The following PPM1H variants were observed in gnomAD, a reference collection of about 807,000 sequenced individuals.
PPM1H encodes the protein protein phosphatase, Mg2+/Mn2+ dependent 1H, also known as protein phosphatase 1H.
PPM1H carries 27 observed loss-of-function variants against 54.9 expected under a neutral mutation model. The ratio of observed to expected loss-of-function variants is 0.49; its 90% CI spans 0.36 to 0.68. PPM1H has a LOEUF of 0.68. Ranked by LOEUF, PPM1H falls within the 30% of genes least tolerant of loss-of-function variation. PPM1H has a pLI of 0.00. For synonymous variants in PPM1H, 305 were observed against 270.8 expected (o/e 1.13, Z -1.24); for missense variants, 596 against 667.8 (o/e 0.89, Z 1.19).
intron 4 of PPM1H, among the ~76,000 whole-genome samples, chr12:62,784,135 G>A (rs2076657771): frequency 6.6e-6 from 1 of 152,182 alleles, no homozygotes; most frequent in Non-Finnish European, 1.5e-5. Context: ...AAAGCAACTG[G>A]CATGCATCAA....
At chr12:62,723,179 C>T (rs1314863031) in intron 5 of PPM1H, among the ~76,000 whole-genome samples, 2 of 152,074 alleles carry the variant, frequency 1.3e-5, no homozygotes, top group Non-Finnish European at 2.9e-5. Context: ...TCACTGCCAC[C>T]GTCCAGCATC....
intron 4 of PPM1H, among the ~76,000 whole-genome samples, chr12:62,768,228 G>C (rs1230052837): frequency 2.0e-5 from 3 of 152,174 alleles, no homozygotes; most frequent in African/African-American, 7.2e-5. Flanking sequence ...GAAAGGAAAA[G>C]GCAGCAGGAG....
At chr12:62,877,543 A>ACT (rs774778596) in intron 1 of PPM1H, among the ~76,000 whole-genome samples, 3 of 151,836 alleles carry the variant, frequency 2.0e-5, no homozygotes, top group African/African-American at 7.3e-5. Context: ...CACTCGATGT[A>ACT]CTCTCTCTCT....
chr12:62,814,027 C>T (rs746420392), intron 2 of PPM1H, among the ~76,000 whole-genome samples: 1 of 152,004 alleles, frequency 6.6e-6, no homozygotes, highest in Non-Finnish European at 1.5e-5. Context: ...TATGGATACA[C>T]AGTAGTAGGT....
At chr12:62,662,391 T>G (rs1457395073) in intron 9 of PPM1H, among the ~76,000 whole-genome samples, 3 of 152,200 alleles carry the variant, frequency 2.0e-5, no homozygotes, top group Non-Finnish European at 4.4e-5. Context: ...TATAGTGCCA[T>G]CAATTCCTCC....
intron 1 of PPM1H, among the ~76,000 whole-genome samples, chr12:62,911,406 T>G (rs1170716287): frequency 5.9e-5 from 9 of 152,248 alleles, no homozygotes; most frequent in African/African-American, 2.2e-4. Context: ...TAGTTTTTCT[T>G]GCATATCAGA....
In PPM1H at chr12:62,915,185, G is replaced by C. The variant is rs116543160; in HGVS notation, c.245+19307C>G. On this transcript the variant is annotated intron_variant, in intron 1 of 9. Transcript: ENST00000228705. Reference sequence around the variant, plus strand: ...TTTTTGTTGTTGTTGTTAAGAGTTAGTGCCTTCTGGACTCTTACTTGGATG... The same window carrying C: ...TTTTTGTTGTTGTTGTTAAGAGTTACTGCCTTCTGGACTCTTACTTGGATG... 3.9e-3 allele frequency among the ~76,000 whole-genome samples: 592 copies of C among 152,328 alleles called. 6 individuals are homozygous for C. Among genetic ancestry groups the C allele is most frequent in the Middle Eastern group, 0.014 (4 of 294 alleles).
At chr12:62,850,107 G>A (rs1011191607) in intron 1 of PPM1H, among the ~76,000 whole-genome samples, 10 of 151,848 alleles carry the variant, frequency 6.6e-5, no homozygotes, top group Non-Finnish European at 1.2e-4. Context: ...AACTACTGAC[G>A]TGAGCCACCA....
chr12:62,929,595 C>T (rs1331461207), intron 1 of PPM1H, among the ~76,000 whole-genome samples: 1 of 152,094 alleles, frequency 6.6e-6, no homozygotes, highest in Non-Finnish European at 1.5e-5. Context: ...TAAACTGGGA[C>T]TGAAACATAT....
At position 62,830,457 on chromosome 12, in the gene PPM1H, G is replaced by A. The variant is rs1290986578; in HGVS notation, c.411+1657C>T. On this transcript the variant is annotated intron_variant, in intron 2 of 9. Coordinates refer to ENST00000228705, the MANE Select transcript of PPM1H (RefSeq NM_020700.2). ...TTTTTAGTAGAGACAGGGTGTCACT[G>A]TGTTAGCCAGGATGGTCTCGATCTC... 3.9e-5 allele frequency among the ~76,000 whole-genome samples: 6 copies of A among 152,186 alleles called. No individual in the cohort carries two copies. In the South Asian group the frequency reaches 6.2e-4, roughly 16 times the overall value.
At chr12:62,696,192 T>C (rs535369189) in intron 6 of PPM1H, among the ~76,000 whole-genome samples, 2 of 152,284 alleles carry the variant, frequency 1.3e-5, no homozygotes, top group East Asian at 3.9e-4. Context: ...AGCCGGGTCA[T>C]TGAATTCTCA....
intron 9 of PPM1H, among the ~76,000 whole-genome samples, chr12:62,656,562 A>G (rs2075844992): frequency 6.6e-6 from 1 of 152,210 alleles, no homozygotes; most frequent in Non-Finnish European, 1.5e-5. Context: ...CGTATCTTAA[A>G]GTTCTTAATA....
In PPM1H at chr12:62,825,409, T is replaced by C. The variant is rs141966367; in HGVS notation, c.411+6705A>G. Among the ~76,000 whole-genome samples, 377 of 152,330 alleles carry C rather than the reference T, an allele frequency of 2.5e-3. 2 individuals carry two copies. The highest frequency in any genetic ancestry group is 8.9e-3 in the African/African-American group (369 of 41,578). Reference sequence around the variant, plus strand: ...TATATACCCAAAGGGTTATAAATCATGCTACCGTAAAGACACATGCACACG... The same window carrying C: ...TATATACCCAAAGGGTTATAAATCACGCTACCGTAAAGACACATGCACACG... On this transcript the variant is annotated intron_variant, in intron 2 of 9. Transcript: ENST00000228705.
At chr12:62,839,759 C>T (rs2120885648) in intron 1 of PPM1H, among the ~76,000 whole-genome samples, 1 of 151,414 alleles carries the variant, frequency 6.6e-6, no homozygotes. Flanking sequence ...GGGTTTCTGA[C>T]ACAAAATACC....
intron 2 of PPM1H, among the ~76,000 whole-genome samples, chr12:62,819,763 CTT>C (rs1388100646): frequency 8.0e-6 from 1 of 125,210 alleles, no homozygotes; most frequent in Non-Finnish European, 1.8e-5. Context: ...TATTTTATTT[CTT>C]TTAAGTCAGG....
At position 62,844,900 on chromosome 12, in the gene PPM1H, T is replaced by A; in HGVS notation, c.246-12621A>T. On this transcript the variant is annotated intron_variant, in intron 1 of 9. Coordinates refer to ENST00000228705, the MANE Select transcript of PPM1H (RefSeq NM_020700.2). The surrounding 1 kb of genome is among the most constrained non-coding windows in gnomAD (Gnocchi z 5.2). ...GATTTCTGCATTCCATAGAAAAAAA[T>A]TAATTATAAGCACTTCTACTAGGAA... Among the ~76,000 whole-genome samples, 1 of 152,150 alleles carries A rather than the reference T, an allele frequency of 6.6e-6. No individual in the cohort carries two copies. Among genetic ancestry groups the A allele is most frequent in the Non-Finnish European group, 1.5e-5 (1 of 68,026 alleles).
chr12:62,650,866 G>A (rs764205157), intron 9 of PPM1H, among the ~76,000 whole-genome samples: 1 of 152,064 alleles, frequency 6.6e-6, no homozygotes, highest in Non-Finnish European at 1.5e-5. Flanking sequence ...TGACATGTAG[G>A]GATTACAATT....
At chr12:62,707,522 T>C (rs898269601) in intron 6 of PPM1H, among the ~76,000 whole-genome samples, 1 of 152,206 alleles carries the variant, frequency 6.6e-6, no homozygotes, top group Non-Finnish European at 1.5e-5. Context: ...TAACAAACTC[T>C]AGGGCTGCCC....
rs1351479880 is a variant in PPM1H at position 62,707,168 on chromosome 12, G to T, written c.1073+13003C>A. On this transcript the variant is annotated intron_variant, in intron 6 of 9. Coordinates refer to ENST00000228705, the MANE Select transcript of PPM1H (RefSeq NM_020700.2). ...ACCATTAAGTTAAATGCCCTGGGCA[G>T]CATGGTCTCCTGACCTATCCCATGT... Among the ~76,000 whole-genome samples the T allele has an allele frequency of 2.0e-5, 3 of 152,192 alleles. No homozygotes were observed. The East Asian group carries it at 5.8e-4, about 29-fold the overall frequency.
Sources: allele counts gnomAD v4.1 joint callset (sites outside exome capture counted in the v4.1 genomes callset), GRCh38; gene constraint gnomAD v4.1.1; non-coding constraint Gnocchi (gnomAD v3.1); transcripts MANE v1.5; gene names NCBI Gene and HGNC (gene_info 2026-07-23, HGNC 2026-07-21).